The following EFCAB11 variants were observed in gnomAD, a reference collection of about 807,000 sequenced individuals.
EFCAB11 encodes the protein EF-hand calcium binding domain 11.
Under a neutral mutation model 23.0 loss-of-function variants are expected in EFCAB11, and 14 were observed. The observed-to-expected ratio is 0.61, with a 90% CI of 0.40 to 0.95. The LOEUF is 0.95. EFCAB11 is among the 40% of genes least tolerant of loss of function. The probability of loss-of-function intolerance (pLI) is 0.00; values close to 1 mark genes in which losing one functional copy is unlikely to be tolerated. For synonymous variants in EFCAB11, 65 were observed against 66.6 expected (o/e 0.98, Z 0.11); for missense variants, 198 against 195.8 (o/e 1.01, Z -0.07).
intron 5 of EFCAB11, among the ~76,000 whole-genome samples, chr14:89,857,801 G>T (rs1288322186): frequency 6.6e-6 from 1 of 152,136 alleles, no homozygotes; most frequent in Admixed American, 6.5e-5. Context: ...AGTCTGGTGT[G>T]CAGAGAAAAT....
At chr14:89,908,754 A>G (rs996618677) in intron 5 of EFCAB11, among the ~76,000 whole-genome samples, 5 of 152,220 alleles carry the variant, frequency 3.3e-5, no homozygotes, top group Admixed American at 6.5e-5. Context: ...GTAGGTATAC[A>G]ATGGAGATCA....
chr14:89,851,873 C>T (rs1159351630), intron 5 of EFCAB11, among the ~76,000 whole-genome samples: 2 of 152,144 alleles, frequency 1.3e-5, no homozygotes, highest in Admixed American at 6.5e-5. Flanking sequence ...CACCAAAGAA[C>T]ATGCAGAGAG....
At chr14:89,909,087 G>A (rs896410384) in intron 5 of EFCAB11, among the ~76,000 whole-genome samples, 1 of 152,204 alleles carries the variant, frequency 6.6e-6, no homozygotes, top group African/African-American at 2.4e-5. Flanking sequence ...TTTAAGACAG[G>A]AAGCTAGAGA....
At chr14:89,872,855 A>ACG (rs147426321) in intron 5 of EFCAB11, among the ~76,000 whole-genome samples, 1 of 84,188 alleles carries the variant, frequency 1.2e-5, no homozygotes, top group South Asian at 4.8e-4. Context: ...AGAGATTAGG[A>ACG]CACACACACA....
At chr14:89,897,676 C>G (rs997553640) in intron 5 of EFCAB11, among the ~76,000 whole-genome samples, 3 of 152,108 alleles carry the variant, frequency 2.0e-5, no homozygotes, top group African/African-American at 7.2e-5. Flanking sequence ...AACACACTAA[C>G]TTAAATAAAG....
At position 89,819,059 on chromosome 14, in the gene EFCAB11, A is replaced by T. The variant is rs1379737846; in HGVS notation, c.411-21735T>A. ...GGGAAAAGAAAGCACATATCCATTC[A>T]GACTTGCACACCAATGTTCACAGCT... On this transcript the variant is annotated intron_variant, in intron 5 of 5. Coordinates refer to ENST00000316738, the MANE Select transcript of EFCAB11 (RefSeq NM_145231.4). Among the ~76,000 whole-genome samples, 3 of 152,332 alleles carry T rather than the reference A, an allele frequency of 2.0e-5. No homozygotes were observed. The East Asian group carries it at 5.8e-4, about 29-fold the overall frequency.
intron 5 of EFCAB11, among the ~76,000 whole-genome samples, chr14:89,925,914 C>T (rs1241725406): frequency 2.6e-5 from 4 of 152,038 alleles, no homozygotes; most frequent in African/African-American, 9.7e-5. Context: ...CTGCAACCCC[C>T]GCCTCCAAAG....
intron 5 of EFCAB11, among the ~76,000 whole-genome samples, chr14:89,801,559 C>T (rs1345749728): frequency 6.6e-6 from 1 of 151,922 alleles, no homozygotes; most frequent in Non-Finnish European, 1.5e-5. Flanking sequence ...CCAGGCAATA[C>T]TCTATGGACT....
At chr14:89,797,960 A>C (rs1376583521) in intron 5 of EFCAB11, among the ~76,000 whole-genome samples, 2 of 152,128 alleles carry the variant, frequency 1.3e-5, no homozygotes, top group East Asian at 3.9e-4. Flanking sequence ...GTGTGTTTGA[A>C]AGCATAACTG....
At chr14:89,844,914 T>C (rs1887383761) in intron 5 of EFCAB11, among the ~76,000 whole-genome samples, 1 of 152,150 alleles carries the variant, frequency 6.6e-6, no homozygotes, top group Non-Finnish European at 1.5e-5. Flanking sequence ...CCAGGGGCAC[T>C]TCCAGCTCTG....
At chr14:89,942,312 G>T (rs1197815307) in intron 3 of EFCAB11, among the ~76,000 whole-genome samples, 2 of 152,114 alleles carry the variant, frequency 1.3e-5, no homozygotes, top group African/African-American at 4.8e-5. Context: ...TCACAGATCT[G>T]CATGATAACT....
intron 5 of EFCAB11, among the ~76,000 whole-genome samples, chr14:89,814,844 A>T (rs779082403): frequency 4.6e-5 from 7 of 152,278 alleles, no homozygotes; most frequent in Non-Finnish European, 1.0e-4. Context: ...CCCAGCTAAT[A>T]ACTCTGGGCT....
chr14:89,824,913 G>A (rs1441366448), intron 5 of EFCAB11, among the ~76,000 whole-genome samples: 3 of 151,776 alleles, frequency 2.0e-5, no homozygotes, highest in Admixed American at 6.6e-5. Flanking sequence ...TATCATAGCC[G>A]GTTATTTTTA....
chr14:89,948,166 T>C (rs1891043642), intron 3 of EFCAB11, among the ~76,000 whole-genome samples: 1 of 152,234 alleles, frequency 6.6e-6, no homozygotes, highest in Admixed American at 6.5e-5. Context: ...GATAAACATA[T>C]TTATAAATAA....
At chr14:89,913,272 G>A (rs902373214) in intron 5 of EFCAB11, among the ~76,000 whole-genome samples, 6 of 152,128 alleles carry the variant, frequency 3.9e-5, no homozygotes, top group African/African-American at 7.2e-5. Flanking sequence ...GTAACAGGGC[G>A]GACATGATAC....
chr14:89,806,674 C>A (rs560248056), intron 5 of EFCAB11, among the ~76,000 whole-genome samples: 3 of 152,118 alleles, frequency 2.0e-5, no homozygotes, highest in Non-Finnish European at 2.9e-5. Context: ...CCAGCAGAAA[C>A]CCCCCAGGAG....
intron 5 of EFCAB11, chr14:89,799,450 C>T (rs1476889189): frequency 6.6e-6 from 1 of 152,132 alleles, no homozygotes; most frequent in East Asian, 1.9e-4. Context: ...TCTCATAGCA[C>T]CCACACTCAA....
chr14:89,830,556 G>C (rs1430093674), intron 5 of EFCAB11: 1 of 152,190 alleles, frequency 6.6e-6, no homozygotes, highest in African/African-American at 2.4e-5. Context: ...TTTCCACAGA[G>C]AGTTTAAGAA....
At chr14:89,925,593 A>T (rs1301124849) in intron 5 of EFCAB11, among the ~76,000 whole-genome samples, 3 of 152,096 alleles carry the variant, frequency 2.0e-5, no homozygotes, top group Non-Finnish European at 4.4e-5. Flanking sequence ...TACAGTACAC[A>T]AACACACAAA....
Sources: gnomAD v4.1 joint callset for allele counts (sites outside exome capture counted in the v4.1 genomes callset) on GRCh38, gnomAD v4.1.1 for gene constraint, MANE v1.5 for transcripts, NCBI Gene and HGNC (gene_info 2026-07-23, HGNC 2026-07-21) for gene names.